Variants in TBX5 observed in about 807,000 individuals in gnomAD.
TBX5 encodes the protein T-box transcription factor TBX5.
A neutral mutation model predicts 51.1 loss-of-function variants in TBX5; 8 were observed. That is an observed-to-expected ratio of 0.16 (90% confidence interval 0.09 to 0.28). TBX5 has a LOEUF of 0.28. Ranked by LOEUF, TBX5 falls within the 10% of genes least tolerant of loss-of-function variation. The pLI, the probability that TBX5 is intolerant of heterozygous loss-of-function variation, is 1.00. For synonymous variants in TBX5, 302 were observed against 266.4 expected (o/e 1.13, Z -1.30); for missense variants, 589 against 671.7 (o/e 0.88, Z 1.36).
intron 6 of TBX5, among the ~76,000 whole-genome samples, chr12:114,392,677 T>C (rs1871224735): frequency 1.3e-5 from 2 of 152,160 alleles, no homozygotes; most frequent in African/African-American, 4.8e-5. Flanking sequence ...TCTGAGAGCA[T>C]GTAAGTATAT....
In TBX5 at chr12:114,355,954, T is replaced by C; in HGVS notation, c.1135A>G (p.Met379Val). The change falls in exon 9 of 9, where the codon ATG (methionine) becomes GTG (valine). Residue 379 changes from methionine (M) to valine (V), a missense_variant. This residue lies in a region of TBX5 where 348 missense variants were observed against 360.4 expected (regional missense o/e 0.97). Transcript: ENST00000405440. ...CTGGGGGGCGCAGAGCTGGCATACA[T>C]GCAAGCTTGCCGCTGTGCCGACTCT... is the stretch of plus-strand genomic sequence containing the variant. Reference protein sequence around the residue: ...RTESAQRQACMYASSAPPSEP... With the variant: ...RTESAQRQACVYASSAPPSEP... 6.2e-7 allele frequency: 1 copy of C among 1,613,982 alleles called. No homozygotes were observed. Among genetic ancestry groups the C allele is most frequent in the Non-Finnish European group, 8.5e-7 (1 of 1,180,038 alleles).
At chr12:114,357,473 G>C (rs150564021) in intron 8 of TBX5, among the ~76,000 whole-genome samples, 12 of 152,140 alleles carry the variant, frequency 7.9e-5, no homozygotes, top group Non-Finnish European at 1.6e-4. Context: ...TAATATCTGC[G>C]TGATACCAGC....
chr12:114,403,177 GCGCTC>G (rs1275550253), intron 2 of TBX5, among the ~76,000 whole-genome samples: 1 of 152,266 alleles, frequency 6.6e-6, no homozygotes. Context: ...AGAGCTCTGT[GCGCTC>G]CCAGCGGCCG....
intron 7 of TBX5, among the ~76,000 whole-genome samples, chr12:114,379,312 A>G (rs1447598003): frequency 6.6e-6 from 1 of 152,208 alleles, no homozygotes; most frequent in Non-Finnish European, 1.5e-5. Flanking sequence ...TTTATGGGAC[A>G]TTACTGGGGG....
At chr12:114,380,075 C>T (rs1173118039) in intron 7 of TBX5, among the ~76,000 whole-genome samples, 3 of 152,150 alleles carry the variant, frequency 2.0e-5, no homozygotes, top group African/African-American at 7.2e-5. Flanking sequence ...CCCACTTCTT[C>T]CTTGCTTCAG....
intron 7 of TBX5, among the ~76,000 whole-genome samples, chr12:114,377,066 C>T (rs1159563371): frequency 6.6e-6 from 1 of 152,162 alleles, no homozygotes; most frequent in Non-Finnish European, 1.5e-5. Flanking sequence ...GACACAACCC[C>T]GCTCTTGTTT....
rs748222016 is a variant in TBX5, at chr12:114,403,923, C to T, written c.-25G>A. Reference sequence around the variant, plus strand: ...TGGTGCGCCCAGGGCCCTGTGCCCGCGCAAGGTTCTGCTCTGAGGACAAGA... The same window carrying T: ...TGGTGCGCCCAGGGCCCTGTGCCCGTGCAAGGTTCTGCTCTGAGGACAAGA... On this transcript the variant is annotated 5_prime_UTR_variant, in exon 2 of 9. Transcript: ENST00000405440. The T allele has an allele frequency of 6.8e-6, 11 of 1,607,194 alleles. No homozygotes were observed. The highest frequency in any genetic ancestry group is 9.3e-6 in the Non-Finnish European group (11 of 1,179,492).
At chr12:114,372,613 C>A (rs1252349446) in intron 7 of TBX5, among the ~76,000 whole-genome samples, 1 of 151,996 alleles carries the variant, frequency 6.6e-6, no homozygotes, top group Non-Finnish European at 1.5e-5. Context: ...GCCTAAATTT[C>A]CCATTGTTGA....
At chr12:114,403,314 G>C (rs1251321921) in intron 2 of TBX5, among the ~76,000 whole-genome samples, 1 of 152,212 alleles carries the variant, frequency 6.6e-6, no homozygotes, top group Non-Finnish European at 1.5e-5. Flanking sequence ...CGAAGGCTAC[G>C]GAAGATCAGA....
Position 114,381,826 on chromosome 12 carries a change from C to T in TBX5, c.755+3650G>A, listed in dbSNP as rs570217538. Among the ~76,000 whole-genome samples the T allele has an allele frequency of 4.2e-4, 64 of 152,304 alleles. 1 individual carries two copies. The highest frequency in any genetic ancestry group is 1.4e-3 in the African/African-American group (59 of 41,560). ...ACCTTGGCCAATGACCTCATCTACT[C>T]CCCCAACTTCATCAGTGGTTAGTTC... On this transcript the variant is annotated intron_variant, in intron 7 of 8. Coordinates refer to ENST00000405440, the MANE Select transcript of TBX5 (RefSeq NM_181486.4).
Position 114,399,576 on chromosome 12 carries a change from T to C in TBX5, c.299A>G (p.Tyr100Cys), listed in dbSNP as rs1463838783. 6.2e-7 allele frequency: 1 copy of C among 1,614,050 alleles called. No individual in the cohort carries two copies. The highest frequency in any genetic ancestry group is 8.5e-7 in the Non-Finnish European group (1 of 1,180,032). Residue 100 changes from tyrosine (Y) to cysteine (C), a missense_variant, in exon 4 of 9, where the codon TAC becomes TGC. Physicochemically the swap from Tyr to Cys is radical, Grantham distance 194. Coordinates refer to ENST00000405440, the MANE Select transcript of TBX5 (RefSeq NM_181486.4). Reference sequence around the variant, plus strand: ...AGGTACAATGTCCATGAGAAGAATGTACTTCGTTTTGGGATTAAGGCCCGT... The same window carrying C: ...AGGTACAATGTCCATGAGAAGAATGCACTTCGTTTTGGGATTAAGGCCCGT... Reference protein sequence around the residue: ...KVTGLNPKTKYILLMDIVPAD... With the variant: ...KVTGLNPKTKCILLMDIVPAD...
At position 114,405,930 on chromosome 12, in the gene TBX5, G is replaced by A. The variant is rs1872189408; in HGVS notation, c.-341C>T. The A allele has an allele frequency of 1.0e-6, 1 of 985,326 alleles. No individual in the cohort carries two copies. Among genetic ancestry groups the A allele is most frequent in the African/African-American group, 1.7e-5 (1 of 57,220 alleles). 61.0% of individuals were successfully genotyped at this position (985,326 alleles called of 1,614,324 possible). ...GCACCGGCAACCATATAATCTCAGT[G>A]CCCCGCTCCTCCTTTACACCCCCAG... On this transcript the variant is annotated 5_prime_UTR_variant, in exon 1 of 9. Coordinates refer to ENST00000405440, the MANE Select transcript of TBX5 (RefSeq NM_181486.4).
rs184327352 is a variant in TBX5 at position 114,360,450 on chromosome 12, G to T, written c.983-4344C>A. On this transcript the variant is annotated intron_variant, in intron 8 of 8. Transcript: ENST00000405440. ...TTGGTGGATGAGTGGGTGGATGGAT[G>T]GGTGGTTGGATGGGTGGATGGATGC... Among the ~76,000 whole-genome samples, 7 of 150,688 alleles carry T rather than the reference G, an allele frequency of 4.6e-5. No homozygotes were observed. The East Asian group carries it at 1.4e-3, about 30-fold the overall frequency.
chr12:114,365,001 C>A (rs1332622257), intron 8 of TBX5, among the ~76,000 whole-genome samples: 1 of 152,020 alleles, frequency 6.6e-6, no homozygotes, highest in African/African-American at 2.4e-5. Context: ...TCTATTCTGG[C>A]TCACAAGAAG....
chr12:114,395,023 GT>G, intron 5 of TBX5, 130 bp from the exon 6 acceptor site: 7 of 896,192 alleles, frequency 7.8e-6, no homozygotes, highest in Non-Finnish European at 1.0e-5. Context: ...TTTTTCTTCT[GT>G]TTTGAAAAGG....
intron 5 of TBX5, among the ~76,000 whole-genome samples, chr12:114,398,191 T>C (rs1871541725): frequency 6.6e-6 from 1 of 152,002 alleles, no homozygotes; most frequent in Admixed American, 6.5e-5. Flanking sequence ...GGGGGCCATA[T>C]CTCCAGCCAC....
intron 7 of TBX5, 90 bp from the exon 8 acceptor site, chr12:114,366,481 A>G: frequency 1.5e-6 from 2 of 1,305,812 alleles, no homozygotes; most frequent in East Asian, 2.3e-5. Context: ...AATCCACCAG[A>G]AAAGTCACAG....
In TBX5 at chr12:114,373,358, C is replaced by T. The variant is rs1322314954; in HGVS notation, c.756-6967G>A. On this transcript the variant is annotated intron_variant, in intron 7 of 8. Coordinates refer to ENST00000405440, the MANE Select transcript of TBX5 (RefSeq NM_181486.4). ...CTATCTCACAGGGCAGGTGTGGATT[C>T]TGCGGGTAAAAGCTAGATGTAAAAC... Among the ~76,000 whole-genome samples the T allele has an allele frequency of 2.0e-5, 3 of 152,276 alleles. No homozygotes were observed. The East Asian group carries it at 5.8e-4, about 29-fold the overall frequency.
Position 114,399,611 on chromosome 12 carries a change from T to C in TBX5, c.264A>G (p.Lys88=), listed in dbSNP as rs758964536. ...KAGRRMFPSY[K]VKVTGLNPKT... ...TGGGATTAAGGCCCGTCACCTTCAC[T>C]TTGTAACTGGGAAACATCCGCCTAA... Residue 88 remains lysine, a synonymous_variant, in exon 4 of 9, where the codon AAA becomes AAG. Transcript: ENST00000405440. The C allele has an allele frequency of 3.7e-6, 6 of 1,613,998 alleles. No individual in the cohort carries two copies. The Admixed American group carries it at 1.0e-4, about 27-fold the overall frequency.
Sources: gnomAD v4.1 joint callset for allele counts (sites outside exome capture counted in the v4.1 genomes callset) on GRCh38, gnomAD v4.1.1 for gene constraint, gnomAD v4.1.1 regional missense constraint, MANE v1.5 for transcripts, NCBI Gene and HGNC (gene_info 2026-07-23, HGNC 2026-07-21) for gene names.